The following DPP10 variants were observed in gnomAD, a reference collection of about 807,000 sequenced individuals.
The protein encoded by DPP10 is dipeptidyl peptidase like 10, also known as inactive dipeptidyl peptidase 10.
In DPP10, 33 loss-of-function variants were observed where a neutral mutation model predicts 120.9. The ratio of observed to expected loss-of-function variants is 0.27; its 90% CI spans 0.21 to 0.37. The LOEUF (loss-of-function observed/expected upper bound fraction) is 0.37, where lower values mean the gene tolerates loss of function less well. DPP10 is among the 10% of genes least tolerant of loss of function. The pLI, the probability that DPP10 is intolerant of heterozygous loss-of-function variation, is 1.00. For synonymous variants in DPP10, 337 were observed against 326.1 expected (o/e 1.03, Z -0.36); for missense variants, 816 against 942.8 (o/e 0.87, Z 1.76).
chr2:115,763,468 A>G (rs1358072109), intron 12 of DPP10, among the ~76,000 whole-genome samples: 2 of 152,146 alleles, frequency 1.3e-5, no homozygotes, highest in Non-Finnish European at 2.9e-5. Context: ...TTAGGACTCA[A>G]TGACATAATT....
intron 3 of DPP10, among the ~76,000 whole-genome samples, chr2:115,423,725 G>A (rs1447603465): frequency 6.6e-6 from 1 of 152,108 alleles, no homozygotes; most frequent in Non-Finnish European, 1.5e-5. Flanking sequence ...TGAATCAATA[G>A]TACCTTGTGG....
At chr2:115,007,761 C>G (rs1701962695) in intron 1 of DPP10, among the ~76,000 whole-genome samples, 3 of 150,346 alleles carry the variant, frequency 2.0e-5, no homozygotes, top group Admixed American at 6.6e-5. Context: ...GCAAAAATCA[C>G]AAGCATTCCT....
chr2:115,687,767 A>G (rs541739063), intron 5 of DPP10, among the ~76,000 whole-genome samples: 38 of 152,206 alleles, frequency 2.5e-4, no homozygotes, highest in Non-Finnish European at 4.7e-4. Context: ...CAACCTCTAT[A>G]AAAAATAGTG....
chr2:114,916,208 A>G (rs1694792547), intron 1 of DPP10, among the ~76,000 whole-genome samples: 1 of 152,246 alleles, frequency 6.6e-6, no homozygotes, highest in African/African-American at 2.4e-5. Context: ...CGCTATTCAC[A>G]TAAACTACAA....
chr2:115,727,573 T>G (rs1321811531), intron 7 of DPP10, among the ~76,000 whole-genome samples: 3 of 152,122 alleles, frequency 2.0e-5, no homozygotes, highest in Admixed American at 1.3e-4. Flanking sequence ...GCTGAAAATA[T>G]GGATTTAAAA....
chr2:115,214,915 T>C (rs2056728432), intron 1 of DPP10, among the ~76,000 whole-genome samples: 3 of 152,184 alleles, frequency 2.0e-5, no homozygotes, highest in African/African-American at 7.2e-5. Flanking sequence ...TTTTTTATCC[T>C]AGCACATCTT....
At chr2:115,390,245 G>C (rs2067230849) in intron 3 of DPP10, among the ~76,000 whole-genome samples, 1 of 152,192 alleles carries the variant, frequency 6.6e-6, no homozygotes, top group South Asian at 2.1e-4. Context: ...AATGCTTGTT[G>C]ACTACACACA....
At chr2:114,609,094 G>A (rs1390756453) in intron 1 of DPP10, among the ~76,000 whole-genome samples, 1 of 152,140 alleles carries the variant, frequency 6.6e-6, no homozygotes, top group Non-Finnish European at 1.5e-5. Flanking sequence ...GAGCTTGGAA[G>A]GTTTGATGAA....
chr2:115,028,937 CTG>C (rs910618392), intron 1 of DPP10, among the ~76,000 whole-genome samples: 3 of 151,904 alleles, frequency 2.0e-5, no homozygotes, highest in African/African-American at 7.2e-5. Flanking sequence ...CACTTTCAGT[CTG>C]TGTGTGTGTT....
chr2:114,873,384 A>C (rs994443032), intron 1 of DPP10, among the ~76,000 whole-genome samples: 3 of 152,196 alleles, frequency 2.0e-5, no homozygotes, highest in Non-Finnish European at 4.4e-5. Context: ...CCATGTTGAC[A>C]ACAGGTAACA....
At chr2:114,589,517 C>T (rs1691282724) in intron 1 of DPP10, among the ~76,000 whole-genome samples, 1 of 152,108 alleles carries the variant, frequency 6.6e-6, no homozygotes, top group Non-Finnish European at 1.5e-5. Context: ...TCATGGTAAG[C>T]ATATACAAGA....
At chr2:115,564,501 A>G (rs1490106464) in intron 5 of DPP10, among the ~76,000 whole-genome samples, 1 of 152,178 alleles carries the variant, frequency 6.6e-6, no homozygotes, top group Non-Finnish European at 1.5e-5. Flanking sequence ...TTCTATTTCA[A>G]TACACATATA....
intron 5 of DPP10, among the ~76,000 whole-genome samples, chr2:115,637,784 G>A (rs899735815): frequency 6.6e-6 from 1 of 152,208 alleles, no homozygotes; most frequent in African/African-American, 2.4e-5. Context: ...AGCTCTCACT[G>A]ATGGACAAGA....
intron 1 of DPP10, among the ~76,000 whole-genome samples, chr2:115,214,786 A>G (rs2056720994): frequency 6.6e-6 from 1 of 152,174 alleles, no homozygotes; most frequent in East Asian, 1.9e-4. Flanking sequence ...AGGCACTGGC[A>G]TTCCCATACC....
chr2:115,767,556 C>T (rs1198886050), intron 12 of DPP10, among the ~76,000 whole-genome samples: 12 of 150,852 alleles, frequency 8.0e-5, no homozygotes, highest in Non-Finnish European at 1.5e-4. Context: ...TGTATATATA[C>T]ACACACATAA....
At chr2:115,519,081 T>G (rs765198876) in intron 4 of DPP10, among the ~76,000 whole-genome samples, 3 of 152,156 alleles carry the variant, frequency 2.0e-5, no homozygotes, top group Non-Finnish European at 4.4e-5. Flanking sequence ...TTTATTAAAG[T>G]GTTGGGTAGA....
intron 21 of DPP10, among the ~76,000 whole-genome samples, chr2:115,819,706 C>T (rs1687612244): frequency 1.3e-5 from 2 of 152,038 alleles, no homozygotes; most frequent in Non-Finnish European, 2.9e-5. Flanking sequence ...CAAATACAAG[C>T]ACTTAGGCTG....
chr2:114,491,124 T>G (rs1288393322), intron 1 of DPP10, among the ~76,000 whole-genome samples: 1 of 152,172 alleles, frequency 6.6e-6, no homozygotes, highest in Non-Finnish European at 1.5e-5. Flanking sequence ...AGGAAACCAA[T>G]TATACCTGAT....
intron 3 of DPP10, among the ~76,000 whole-genome samples, chr2:115,471,993 T>C (rs2074757349): frequency 6.6e-6 from 1 of 152,118 alleles, no homozygotes; most frequent in African/African-American, 2.4e-5. Context: ...CCCCATCTGA[T>C]TGCACTGGAA....
Sources: allele counts gnomAD v4.1 joint callset (sites outside exome capture counted in the v4.1 genomes callset), GRCh38; gene constraint gnomAD v4.1.1; transcripts MANE v1.5; gene names NCBI Gene and HGNC (gene_info 2026-07-23, HGNC 2026-07-21).